Variants in SPAG16 observed in about 807,000 individuals in gnomAD.
The protein encoded by SPAG16 is sperm associated antigen 16.
In SPAG16, 86 loss-of-function variants were observed where a neutral mutation model predicts 80.4. That is an observed-to-expected ratio of 1.07 (90% CI 0.90 to 1.28). The LOEUF (loss-of-function observed/expected upper bound fraction) is 1.28. SPAG16 is among the 50% of genes most tolerant of loss of function. The pLI is 0.00. For synonymous variants in SPAG16, 294 were observed against 265.9 expected, an observed-to-expected ratio of 1.11 and a Z score of -1.03; for missense variants, 870 against 765.3, an observed-to-expected ratio of 1.14 and a Z score of -1.61.
At chr2:213,953,969 A>G (rs2043987785) in intron 12 of SPAG16, among the ~76,000 whole-genome samples, 1 of 152,210 alleles carries the variant, frequency 6.6e-6, no homozygotes, top group South Asian at 2.1e-4. Context: ...CATGCAATGG[A>G]TATAGATAGA....
chr2:213,491,499 G>A (rs144898229), intron 10 of SPAG16, among the ~76,000 whole-genome samples: 111 of 152,170 alleles, frequency 7.3e-4, no homozygotes, highest in Non-Finnish European at 1.3e-3. Flanking sequence ...AACACAACTG[G>A]CTTATAAACA....
chr2:213,453,231 C>A (rs574156698), intron 9 of SPAG16, among the ~76,000 whole-genome samples: 2 of 152,256 alleles, frequency 1.3e-5, no homozygotes, highest in South Asian at 4.1e-4. Flanking sequence ...GTCTGATACT[C>A]TGTCTCTTTT....
chr2:213,526,401 C>T (rs954063071), intron 10 of SPAG16, among the ~76,000 whole-genome samples: 5 of 152,112 alleles, frequency 3.3e-5, no homozygotes, highest in South Asian at 2.1e-4. Context: ...ACACCTACTA[C>T]GAATTCATCC....
intron 12 of SPAG16, among the ~76,000 whole-genome samples, chr2:213,945,622 A>G (rs542378414): frequency 4.6e-5 from 7 of 152,216 alleles, no homozygotes; most frequent in African/African-American, 1.7e-4. Flanking sequence ...TCCCCAGCCC[A>G]CTGACTTAAG....
chr2:214,306,816 G>A (rs1694947672), intron 15 of SPAG16, among the ~76,000 whole-genome samples: 1 of 152,000 alleles, frequency 6.6e-6, no homozygotes, highest in Admixed American at 6.6e-5. Context: ...AGGGATATTG[G>A]CCTGAAGTTT....
chr2:213,417,681 GA>G (rs2069338945), intron 9 of SPAG16, among the ~76,000 whole-genome samples: 1 of 151,988 alleles, frequency 6.6e-6, no homozygotes, highest in Non-Finnish European at 1.5e-5. Context: ...GCATAACGAA[GA>G]AACTAAAAAT....
intron 3 of SPAG16, among the ~76,000 whole-genome samples, chr2:213,301,275 GC>G (rs1463824467): frequency 6.6e-6 from 1 of 152,138 alleles, no homozygotes; most frequent in Non-Finnish European, 1.5e-5. Flanking sequence ...TGTACTCAAA[GC>G]CATGTCTACA....
chr2:213,854,041 G>A (rs926649438), intron 10 of SPAG16, among the ~76,000 whole-genome samples: 1 of 152,148 alleles, frequency 6.6e-6, no homozygotes, highest in Non-Finnish European at 1.5e-5. Context: ...CCCTCAGTGT[G>A]TTCCTGAAAT....
At chr2:214,007,623 A>T (rs1216465418) in intron 12 of SPAG16, among the ~76,000 whole-genome samples, 1 of 152,194 alleles carries the variant, frequency 6.6e-6, no homozygotes, top group Non-Finnish European at 1.5e-5. Context: ...TATTGAAGGA[A>T]TTCTGGGCTG....
chr2:213,674,432 G>A (rs1026798546), intron 10 of SPAG16, among the ~76,000 whole-genome samples: 4 of 150,492 alleles, frequency 2.7e-5, no homozygotes, highest in Non-Finnish European at 2.9e-5. Context: ...TGTGCACAAT[G>A]TGCAGGTTAG....
At chr2:213,350,792 A>G in intron 7 of SPAG16, 147 bp downstream of exon 7, 1 of 549,270 alleles carries the variant, frequency 1.8e-6, no homozygotes, top group Non-Finnish European at 3.1e-6. Context: ...GGAAACATTC[A>G]GAAAAAGTAT....
At chr2:213,806,033 AATT>A (rs10539063) in intron 10 of SPAG16, among the ~76,000 whole-genome samples, 37,574 of 151,966 alleles carry the variant, frequency 0.25, 5,147 homozygotes, top group Middle Eastern at 0.38. Context: ...ATATGGATAA[AATT>A]ATTATTAGGT....
At chr2:213,833,520 TAATA>T (rs2073866652) in intron 10 of SPAG16, among the ~76,000 whole-genome samples, 1 of 7,818 alleles carries the variant, frequency 1.3e-4, no homozygotes, top group Non-Finnish European at 2.2e-4. Context: ...ATAATATATA[TAATA>T]TATATATTAT....
chr2:214,228,870 T>C (rs1688480590), intron 15 of SPAG16, among the ~76,000 whole-genome samples: 1 of 151,912 alleles, frequency 6.6e-6, no homozygotes, highest in South Asian at 2.1e-4. Context: ...TCTTCAAAGC[T>C]CCTCAGCTAC....
chr2:214,376,714 C>T (rs184662820), intron 15 of SPAG16, among the ~76,000 whole-genome samples: 11 of 152,226 alleles, frequency 7.2e-5, no homozygotes, highest in African/African-American at 2.2e-4. Context: ...GATCTCCCAA[C>T]GACTTGTCTG....
intron 14 of SPAG16, among the ~76,000 whole-genome samples, chr2:214,135,857 G>A (rs1450212753): frequency 1.3e-5 from 2 of 152,168 alleles, no homozygotes; most frequent in Admixed American, 6.5e-5. Context: ...AGATACTGGC[G>A]CCATGCTTCT....
Position 214,076,521 on chromosome 2 carries a change from GTGTGTGTGTGTGTGTGTGTGTC to G in SPAG16, c.1528-31653_1528-31632del, listed in dbSNP as rs199709892. ...ATTCTTCTTATTTTATTCTGTGTGT[GTGTGTGTGTGTGTGTGTGTGTC>G]TGTGTGTGTGTGTGTGTGTGTGTTT... On this transcript the variant is annotated intron_variant, in intron 13 of 15. Coordinates refer to ENST00000331683, the MANE Select transcript of SPAG16 (RefSeq NM_024532.5). 7.8e-3 allele frequency among the ~76,000 whole-genome samples: 568 copies of G among 73,142 alleles called. 6 individuals are homozygous for G. The highest frequency in any genetic ancestry group is 0.045 in the East Asian group (161 of 3,578). The allele number at this position is 73,142 out of a possible 152,430, so 48.0% of individuals were successfully genotyped here. A position where few individuals can be genotyped will look rare whatever the true frequency, so the allele number is the denominator to read the frequency against.
chr2:213,378,163 T>C (rs1287291854), intron 9 of SPAG16, among the ~76,000 whole-genome samples: 2 of 152,070 alleles, frequency 1.3e-5, no homozygotes, highest in African/African-American at 4.8e-5. Flanking sequence ...CTTTATATCC[T>C]AGCTACACTA....
intron 15 of SPAG16, among the ~76,000 whole-genome samples, chr2:214,219,938 A>T (rs930605243): frequency 6.6e-6 from 1 of 152,142 alleles, no homozygotes; most frequent in African/African-American, 2.4e-5. Flanking sequence ...ATGAAAAAAG[A>T]TAATTTAGCA....
Sources: gnomAD v4.1 joint callset for allele counts (sites outside exome capture counted in the v4.1 genomes callset) on GRCh38, gnomAD v4.1.1 for gene constraint, MANE v1.5 for transcripts, NCBI Gene and HGNC (gene_info 2026-07-23, HGNC 2026-07-21) for gene names.